Variants in SLC22A4 observed in about 807,000 individuals in gnomAD.
SLC22A4 encodes ET transporter.
Under a neutral mutation model 56.6 loss-of-function variants are expected in SLC22A4, and 39 were observed. The ratio of observed to expected loss-of-function variants is 0.69; its 90% confidence interval spans 0.53 to 0.90. The LOEUF (loss-of-function observed/expected upper bound fraction) is 0.90, where lower values mean the gene tolerates loss of function less well. Among genes scored for constraint, SLC22A4 ranks in the 40% least tolerant of loss-of-function variants. The pLI is 0.00. For synonymous variants in SLC22A4, 241 were observed against 281.4 expected, an observed-to-expected ratio of 0.86 and a Z score of 1.44; for missense variants, 594 against 696.5, an observed-to-expected ratio of 0.85 and a Z score of 1.66.
chr5:132,335,931 A>G lies in SLC22A4; in HGVS notation c.1375A>G (p.Met459Val), dbSNP rs1292333967. The change falls in exon 8 of 10, where the codon ATG (methionine) becomes GTG (valine). Residue 459 changes from methionine (M) to valine (V), a missense_variant. Met to Val is a conservative substitution (Grantham distance 21). Transcript: ENST00000200652. ...AELYPTLVRN[M>V]AVGVTSTASR... is the part of the protein sequence containing the mutation. ...GCTCTACCCAACCCTGGTCAGGAACATGGCGGTGGGGGTCACATCCACGGC... is the reference window on the plus strand; with the variant it reads ...GCTCTACCCAACCCTGGTCAGGAACGTGGCGGTGGGGGTCACATCCACGGC... The G allele has an allele frequency of 4.3e-6, 7 of 1,614,176 alleles. No individual in the cohort carries two copies. Among genetic ancestry groups the G allele is most frequent in the South Asian group, 1.1e-5 (1 of 91,076 alleles).
At chr5:132,327,081 T>C (rs1750710729) in intron 4 of SLC22A4, among the ~76,000 whole-genome samples, 196 bp from the exon 5 acceptor site, 1 of 152,244 alleles carries the variant, frequency 6.6e-6, no homozygotes, top group African/African-American at 2.4e-5. Flanking sequence ...TGATCGGTCT[T>C]ATAATTTGAT....
intron 3 of SLC22A4, among the ~76,000 whole-genome samples, chr5:132,316,917 T>G (rs1161911220): frequency 6.6e-6 from 1 of 152,198 alleles, no homozygotes; most frequent in African/African-American, 2.4e-5. Context: ...CAACCAAAAT[T>G]TATTTTCCAC....
chr5:132,334,609 A>G, intron 6 of SLC22A4, 109 bp from the exon 7 acceptor site: 1 of 796,408 alleles, frequency 1.3e-6, no homozygotes, highest in Non-Finnish European at 2.3e-6. Context: ...GTAGCCAATG[A>G]GGGTAGTGGC....
intron 3 of SLC22A4, among the ~76,000 whole-genome samples, chr5:132,318,127 C>T (rs1750416951): frequency 6.6e-6 from 1 of 151,006 alleles, no homozygotes; most frequent in Admixed American, 6.6e-5. Flanking sequence ...GTGATTGGTG[C>T]AGACAGAGGG....
intron 6 of SLC22A4, among the ~76,000 whole-genome samples, chr5:132,334,312 A>C (rs1174114811): frequency 6.6e-6 from 1 of 152,216 alleles, no homozygotes; most frequent in Non-Finnish European, 1.5e-5. Flanking sequence ...GATGTGACTA[A>C]TATTTTTTCT....
At position 132,328,836 on chromosome 5, in the gene SLC22A4, TATAC is replaced by T. The variant is rs1229788634; in HGVS notation, c.951+1435_951+1438del. Among the ~76,000 whole-genome samples the T allele has an allele frequency of 5.7e-3, 792 of 139,026 alleles. 12 individuals are homozygous for T. Among genetic ancestry groups the T allele is most frequent in the African/African-American group, 0.02 (745 of 37,768 alleles). 91.2% of individuals were successfully genotyped at this position (139,026 alleles called of 152,430 possible). On this transcript the variant is annotated intron_variant, in intron 5 of 9. Coordinates refer to ENST00000200652, the MANE Select transcript of SLC22A4 (RefSeq NM_003059.3). ...CTGGCAGTGCCTTTATATATATATA[TATAC>T]ACACACACACACACACACACACACA...
chr5:132,321,158 A>G (rs1415206718), intron 3 of SLC22A4, among the ~76,000 whole-genome samples: 2 of 152,148 alleles, frequency 1.3e-5, no homozygotes, highest in African/African-American at 4.8e-5. Flanking sequence ...TGTGAGTTCA[A>G]TGGGTGTGTG....
At chr5:132,324,632 C>G (rs1052233859) in intron 4 of SLC22A4, 1 of 468,430 alleles carries the variant, frequency 2.1e-6, no homozygotes, top group Non-Finnish European at 4.4e-6. Flanking sequence ...CTGAACATCC[C>G]ATCCTTGCAG....
At chr5:132,334,356 A>C (rs1193338465) in intron 6 of SLC22A4, among the ~76,000 whole-genome samples, 1 of 152,250 alleles carries the variant, frequency 6.6e-6, no homozygotes, top group Non-Finnish European at 1.5e-5. Context: ...GAGGAGGTAC[A>C]AACTATTCAG....
At chr5:132,339,225 A>C (rs2126743058) in intron 8 of SLC22A4, among the ~76,000 whole-genome samples, 1 of 152,212 alleles carries the variant, frequency 6.6e-6, no homozygotes, top group South Asian at 2.1e-4. Context: ...CCTTGTATAT[A>C]TGTTGTAAAT....
chr5:132,332,142 C>T (rs1276948033), intron 6 of SLC22A4: 13 of 360,080 alleles, frequency 3.6e-5, no homozygotes, highest in African/African-American at 8.4e-5. Context: ...GGTGAAACCC[C>T]GTCTCTACTA....
In SLC22A4 at chr5:132,343,896, T is replaced by C; in HGVS notation, c.*61T>C. 5 of 1,086,862 alleles carry C rather than the reference T, an allele frequency of 4.6e-6. No homozygotes were observed. Among genetic ancestry groups the C allele is most frequent in the Non-Finnish European group, 7.0e-6 (5 of 713,686 alleles). 67.3% of individuals were successfully genotyped at this position (1,086,862 alleles called of 1,614,324 possible). ...GAAAAATAAGACCCTGTGGAGAAAT[T>C]CGTTGTTCCCACTGAAATGGACTGA... On this transcript the variant is annotated 3_prime_UTR_variant, in exon 10 of 10. Transcript: ENST00000200652.
intron 1 of SLC22A4, among the ~76,000 whole-genome samples, chr5:132,300,300 A>C (rs566080074): frequency 3.8e-4 from 58 of 152,300 alleles, no homozygotes; most frequent in African/African-American, 1.3e-3. Context: ...TCTCTGCTGT[A>C]AAGGTACTAT....
intron 5 of SLC22A4, among the ~76,000 whole-genome samples, chr5:132,328,310 A>T (rs972137361): frequency 6.6e-6 from 1 of 152,188 alleles, no homozygotes. Context: ...TGGCTTCAGT[A>T]ACATTATACA....
chr5:132,340,645 G>C lies in SLC22A4; in HGVS notation c.1525G>C (p.Glu509Gln). ...LIGILTLFFP[E>Q]SLGMTLPETL... Reference sequence around the variant, plus strand: ...TGGAATCCTCACCCTTTTTTTCCCTGAAAGTTTGGGAATGACTCTTCCAGA... The same window carrying C: ...TGGAATCCTCACCCTTTTTTTCCCTCAAAGTTTGGGAATGACTCTTCCAGA... Residue 509 changes from glutamate (E) to glutamine (Q), a missense_variant, in exon 9 of 10, where the codon GAA becomes CAA. Glu to Gln is a conservative substitution (Grantham distance 29, BLOSUM62 2). Coordinates refer to ENST00000200652, the MANE Select transcript of SLC22A4 (RefSeq NM_003059.3). The C allele has an allele frequency of 6.2e-7, 1 of 1,613,836 alleles. No individual in the cohort carries two copies. Among genetic ancestry groups the C allele is most frequent in the East Asian group, 2.2e-5 (1 of 44,850 alleles).
chr5:132,331,960 T>A (rs1750870881), intron 6 of SLC22A4, 110 bp downstream of exon 6: 1 of 764,816 alleles, frequency 1.3e-6, no homozygotes, highest in East Asian at 2.6e-5. Flanking sequence ...TGAGGAAAAA[T>A]TAAGATTATA....
In SLC22A4 at chr5:132,295,020, G is replaced by A; in HGVS notation, c.393+11G>A. On this transcript the variant is annotated intron_variant, in intron 1 of 9. Coordinates refer to ENST00000200652, the MANE Select transcript of SLC22A4 (RefSeq NM_003059.3). ...ACCGTCGTGACCGAGGTGGGTGCCA[G>A]GCCGAGACCGTTGACCCGGGAGTGC... 1.2e-6 allele frequency: 2 copies of A among 1,601,112 alleles called. No individual in the cohort carries two copies. The highest frequency in any genetic ancestry group is 1.1e-5 in the South Asian group (1 of 88,896).
chr5:132,341,745 C>T (rs1220605716), intron 9 of SLC22A4, among the ~76,000 whole-genome samples: 4 of 151,910 alleles, frequency 2.6e-5, no homozygotes, highest in South Asian at 2.1e-4. Flanking sequence ...GTCAGGAGTT[C>T]GAGAACAGTC....
At chr5:132,328,283 C>T (rs1750737070) in intron 5 of SLC22A4, among the ~76,000 whole-genome samples, 1 of 151,996 alleles carries the variant, frequency 6.6e-6, no homozygotes, top group Admixed American at 6.6e-5. Context: ...GCTCAGGACA[C>T]CTAAAAAAGA....
Sources: allele counts gnomAD v4.1 joint callset (sites outside exome capture counted in the v4.1 genomes callset), GRCh38; gene constraint gnomAD v4.1.1; transcripts MANE v1.5; gene names NCBI Gene and HGNC (gene_info 2026-07-23, HGNC 2026-07-21).